The following PSD3 variants were observed in gnomAD, a reference collection of about 807,000 sequenced individuals.
PSD3 encodes the protein pleckstrin and Sec7 domain containing 3.
PSD3 carries 49 observed loss-of-function variants against 105.5 expected under a neutral mutation model. That is an observed-to-expected ratio of 0.46 (90% confidence interval 0.37 to 0.59). PSD3 has a LOEUF of 0.59. Among genes scored for constraint, PSD3 ranks in the 20% least tolerant of loss-of-function variants. The probability of loss-of-function intolerance (pLI) is 0.00; values close to 1 mark genes in which losing one functional copy is unlikely to be tolerated. For synonymous variants in PSD3, 557 were observed against 457.8 expected (o/e 1.22, Z -2.77); for missense variants, 1,561 against 1,263.8 (o/e 1.24, Z -3.57).
intron 2 of PSD3, among the ~76,000 whole-genome samples, chr8:18,892,317 G>A (rs1206550269): frequency 6.6e-6 from 1 of 150,660 alleles, no homozygotes; most frequent in African/African-American, 2.4e-5. Flanking sequence ...TCTGCCTCCT[G>A]GGTTCATGCC....
chr8:18,928,267 G>C (rs1334797110), intron 2 of PSD3, among the ~76,000 whole-genome samples: 4 of 152,136 alleles, frequency 2.6e-5, no homozygotes, highest in African/African-American at 9.7e-5. Flanking sequence ...TTATAAATGG[G>C]AATTTCTCTG....
intron 1 of PSD3, among the ~76,000 whole-genome samples, chr8:18,939,230 A>T (rs1822362176): frequency 6.6e-6 from 1 of 152,222 alleles, no homozygotes; most frequent in African/African-American, 2.4e-5. Context: ...AGCAATTGCC[A>T]ATCAAGAGAA....
chr8:18,793,750 G>A (rs1365719652), intron 8 of PSD3, among the ~76,000 whole-genome samples: 3 of 152,214 alleles, frequency 2.0e-5, no homozygotes, highest in Non-Finnish European at 4.4e-5. Context: ...ACAGACAGAA[G>A]AGGTATCCAC....
At chr8:18,738,950 A>C (rs1452599290) in intron 9 of PSD3, among the ~76,000 whole-genome samples, 1 of 152,222 alleles carries the variant, frequency 6.6e-6, no homozygotes. Flanking sequence ...AAGACAAAAA[A>C]ATACCACAAG....
chr8:18,640,248 G>C (rs1807547677), intron 10 of PSD3, among the ~76,000 whole-genome samples: 1 of 152,072 alleles, frequency 6.6e-6, no homozygotes, highest in Admixed American at 6.5e-5. Context: ...CTAAGTGTAG[G>C]CTAAATACTG....
intron 10 of PSD3, among the ~76,000 whole-genome samples, chr8:18,654,541 T>C (rs1159079481): frequency 1.3e-5 from 2 of 152,218 alleles, no homozygotes; most frequent in African/African-American, 4.8e-5. Flanking sequence ...AAAATTAAAA[T>C]TTTGAACTGC....
intron 9 of PSD3, among the ~76,000 whole-genome samples, chr8:18,713,681 G>C (rs1429974605): frequency 6.6e-6 from 1 of 152,144 alleles, no homozygotes; most frequent in Non-Finnish European, 1.5e-5. Flanking sequence ...GTAAGGATCA[G>C]TATCATGAAA....
At chr8:18,962,233 C>T (rs73588641) in intron 1 of PSD3, among the ~76,000 whole-genome samples, 10,536 of 151,464 alleles carry the variant, frequency 0.07, 874 homozygotes, top group African/African-American at 0.2. Context: ...GTGACAAGAG[C>T]GAGACTCCAT....
intron 6 of PSD3, chr8:18,802,400 G>T: frequency 2.4e-6 from 1 of 417,696 alleles, no homozygotes; most frequent in African/African-American, 2.0e-5. Flanking sequence ...AAATGTCTAA[G>T]AAATCTTACT....
chr8:18,691,215 A>T (rs982905232), intron 9 of PSD3, among the ~76,000 whole-genome samples: 42 of 152,210 alleles, frequency 2.8e-4, no homozygotes, highest in Admixed American at 2.5e-3. Flanking sequence ...ACACCCGTAT[A>T]AGTTAAACAG....
intron 12 of PSD3, among the ~76,000 whole-genome samples, chr8:18,581,833 T>C (rs1190000142): frequency 6.6e-6 from 1 of 152,204 alleles, no homozygotes; most frequent in Non-Finnish European, 1.5e-5. Flanking sequence ...TAAAGGGATC[T>C]GACATTACTA....
chr8:18,594,143 TTATATAATATATATTATTATATAC>T lies in PSD3; in HGVS notation c.2481+6197_2481+6220del, dbSNP rs1563358165. Among the ~76,000 whole-genome samples, 495 of 58,394 alleles carry T rather than the reference TTATATAATATATATTATTATATAC, an allele frequency of 8.5e-3. 78 individuals are homozygous for T. Among genetic ancestry groups the T allele is most frequent in the African/African-American group, 0.027 (467 of 17,202 alleles). The allele number at this position is 58,394 out of a possible 152,430, so 38.3% of individuals were successfully genotyped here. ...TATAATAATATATATTATATATATA[TTATATAATATATATTATTATATAC>T]ATATTATATAATATATATTATTATA... On this transcript the variant is annotated intron_variant, in intron 12 of 15. Transcript: ENST00000327040.
At chr8:18,760,193 A>G (rs1025543429) in intron 9 of PSD3, among the ~76,000 whole-genome samples, 2 of 152,158 alleles carry the variant, frequency 1.3e-5, no homozygotes, top group African/African-American at 4.8e-5. Context: ...TTTTGAGTAC[A>G]CATACATACT....
chr8:18,740,005 G>A (rs776226760), intron 9 of PSD3, among the ~76,000 whole-genome samples: 8 of 152,196 alleles, frequency 5.3e-5, no homozygotes, highest in Non-Finnish European at 8.8e-5. Flanking sequence ...AACAGACTGC[G>A]TAGTAACTTT....
At chr8:18,780,218 T>C (rs1370327124) in intron 8 of PSD3, among the ~76,000 whole-genome samples, 1 of 152,212 alleles carries the variant, frequency 6.6e-6, no homozygotes, top group African/African-American at 2.4e-5. Flanking sequence ...TTTTATCTGA[T>C]ACTAGTGTAG....
In PSD3 at chr8:18,647,007, G is replaced by T. The variant is rs10435704; in HGVS notation, c.2216+8635C>A. Among the ~76,000 whole-genome samples the T allele has an allele frequency of 2.5e-3, 378 of 152,252 alleles. 12 individuals are homozygous for T. In the East Asian group the frequency reaches 0.061, roughly 24 times the overall value. Reference sequence around the variant, plus strand: ...AAAAACAGGTAATAGTAATCCCATTGCCTCTATCATCCCCCAAGAATACAC... The same window carrying T: ...AAAAACAGGTAATAGTAATCCCATTTCCTCTATCATCCCCCAAGAATACAC... On this transcript the variant is annotated intron_variant, in intron 10 of 15. Transcript: ENST00000327040.
At chr8:18,944,028 G>C (rs953810968) in intron 1 of PSD3, among the ~76,000 whole-genome samples, 7 of 152,094 alleles carry the variant, frequency 4.6e-5, no homozygotes, top group African/African-American at 1.7e-4. Context: ...GCTTCCACGT[G>C]GCTATTACCA....
At chr8:18,666,885 C>T (rs1273552473) in intron 9 of PSD3, among the ~76,000 whole-genome samples, 1 of 152,134 alleles carries the variant, frequency 6.6e-6, no homozygotes, top group Non-Finnish European at 1.5e-5. Context: ...CTATTGTGTC[C>T]AGAATTGGTG....
At chr8:18,666,728 GGGT>G (rs146092215) in intron 9 of PSD3, among the ~76,000 whole-genome samples, 1,899 of 148,468 alleles carry the variant, frequency 0.013, 59 homozygotes, top group East Asian at 0.072. Flanking sequence ...TTTTTTTGGG[GGGT>G]GGGGGGAAGT....
Sources: gnomAD v4.1 joint callset for allele counts (sites outside exome capture counted in the v4.1 genomes callset) on GRCh38, gnomAD v4.1.1 for gene constraint, MANE v1.5 for transcripts, NCBI Gene and HGNC (gene_info 2026-07-23, HGNC 2026-07-21) for gene names.